Variants in SNU13 observed in about 807,000 individuals in gnomAD.
SNU13 encodes the protein NHP2-like protein 1.
A neutral mutation model predicts 12.4 loss-of-function variants in SNU13; 2 were observed. The ratio of observed to expected loss-of-function variants is 0.16; its 90% CI spans 0.07 to 0.51. The LOEUF (loss-of-function observed/expected upper bound fraction) is 0.51, where lower values mean the gene tolerates loss of function less well. Ranked by LOEUF, SNU13 falls within the 20% of genes least tolerant of loss-of-function variation. The pLI is 0.96. For synonymous variants in SNU13, 68 were observed against 66.5 expected, an observed-to-expected ratio of 1.02 and a Z score of -0.11; for missense variants, 66 against 157.8, an observed-to-expected ratio of 0.42 and a Z score of 3.12.
chr22:41,678,993 G>A (rs1005369705), intron 2 of SNU13, among the ~76,000 whole-genome samples: 3 of 152,180 alleles, frequency 2.0e-5, no homozygotes, highest in East Asian at 3.8e-4. Flanking sequence ...GGTAGCTCAC[G>A]CCTGCTGTTA....
At chr22:41,679,569 T>A (rs1038212092) in intron 2 of SNU13, 3 of 150,966 alleles carry the variant, frequency 2.0e-5, no homozygotes, top group Non-Finnish European at 3.0e-5. Flanking sequence ...AAAAAATAAA[T>A]AAATAAATAA....
intron 1 of SNU13, among the ~76,000 whole-genome samples, chr22:41,681,862 G>A (rs1233831279): frequency 6.6e-6 from 1 of 152,132 alleles, no homozygotes; most frequent in East Asian, 1.9e-4. Flanking sequence ...GCGACAGAGC[G>A]AGACTCCGTC....
chr22:41,689,860 C>G, upstream of SNU13, among the ~76,000 whole-genome samples: 1 of 151,940 alleles, frequency 6.6e-6, no homozygotes, highest in East Asian at 1.9e-4. Context: ...TGCCTGTAAT[C>G]CCAGCTACTC....
At chr22:41,680,650 ACGGGTTCCCATGGCTC>A (rs1240573327) in intron 1 of SNU13, among the ~76,000 whole-genome samples, 4 of 152,216 alleles carry the variant, frequency 2.6e-5, no homozygotes, top group African/African-American at 9.6e-5. Context: ...TGGATTACAA[ACGGGTTCCCATGGCTC>A]CGCATCCATT....
intron 1 of SNU13, chr22:41,687,605 A>T (rs1361320007): frequency 6.6e-6 from 1 of 152,192 alleles, no homozygotes; most frequent in East Asian, 1.9e-4. Context: ...TTAACGAATG[A>T]TATCATACCA....
Position 41,688,850 on chromosome 22 carries a change from A to G in SNU13, c.-54T>C. On this transcript the variant is annotated 5_prime_UTR_variant, in exon 1 of 3. Coordinates refer to ENST00000401959, the MANE Select transcript of SNU13 (RefSeq NM_001003796.2). ...TAGGGGAGCGCAGCTGACGTTTCAG[A>G]AGCACTCGCGTGCACCGGAAAAACT... 3 of 1,555,154 alleles carry G rather than the reference A, an allele frequency of 1.9e-6. No individual in the cohort carries two copies. Among genetic ancestry groups the G allele is most frequent in the Non-Finnish European group, 1.8e-6 (2 of 1,140,962 alleles).
chr22:41,674,894 G>A lies in SNU13; in HGVS notation c.*39C>T. On this transcript the variant is annotated 3_prime_UTR_variant, in exon 3 of 3. Coordinates refer to ENST00000401959, the MANE Select transcript of SNU13 (RefSeq NM_001003796.2). The stretch of plus-strand genomic sequence containing the variant: ...AGATAATATGATACACAACCTCAGG[G>A]GGGAAGCTGGCAGGGAGCACGTGGC... The A allele has an allele frequency of 6.2e-7, 1 of 1,601,844 alleles. No homozygotes were observed. Among genetic ancestry groups the A allele is most frequent in the South Asian group, 1.1e-5 (1 of 90,550 alleles).
intron 2 of SNU13, 28 bp from the exon 3 acceptor site, chr22:41,675,223 A>T: frequency 6.2e-7 from 1 of 1,606,738 alleles, no homozygotes; most frequent in Non-Finnish European, 8.5e-7. Context: ...TGAAGCTAAT[A>T]GGTGATGTGG....
At chr22:41,688,668 G>C (rs906931783) in intron 1 of SNU13, 126 bp downstream of exon 1, 6 of 1,340,078 alleles carry the variant, frequency 4.5e-6, no homozygotes, top group Middle Eastern at 2.0e-4. Flanking sequence ...CTAAGGGCCC[G>C]GCGGTTAAGA....
intron 1 of SNU13, chr22:41,682,223 C>A: frequency 1.1e-6 from 1 of 942,378 alleles, no homozygotes; most frequent in Non-Finnish European, 1.7e-6. Flanking sequence ...CGGTGGTCTC[C>A]TGCCCGACAC....
At chr22:41,686,373 C>T (rs559155582) in intron 1 of SNU13, among the ~76,000 whole-genome samples, 165 of 150,718 alleles carry the variant, frequency 1.1e-3, no homozygotes, top group South Asian at 2.3e-3. Flanking sequence ...GGCGCAATCT[C>T]GGCTCACCGA....
Position 41,680,359 on chromosome 22 carries a change from C to A in SNU13, c.9G>T (p.Glu3Asp), listed in dbSNP as rs771666090. ...GATAGGCCTTTGGATTCACATCAGC[C>A]TCAGTCTATGGGGGGGACATAAAAA... MT[E>D]ADVNPKAYPL... The change falls in exon 2 of 3, where the codon GAG becomes GAT. Residue 3 changes from glutamate to aspartate, a missense_variant. Glu to Asp is a conservative substitution (Grantham distance 45, BLOSUM62 2). Transcript: ENST00000401959. 1 of 1,613,224 alleles carries A rather than the reference C, an allele frequency of 6.2e-7. No homozygotes were observed. The highest frequency in any genetic ancestry group is 8.5e-7 in the Non-Finnish European group (1 of 1,179,650).
chr22:41,682,617 G>C (rs2068274886), intron 1 of SNU13: 19 of 1,382,330 alleles, frequency 1.4e-5, no homozygotes, highest in Non-Finnish European at 1.7e-5. Context: ...GGATGGAGGA[G>C]TTCTCTAAAG....
rs539556005 is a variant in SNU13 at position 41,674,715 on chromosome 22, G to A, written c.*218C>T. On this transcript the variant is annotated 3_prime_UTR_variant, in exon 3 of 3. Coordinates refer to ENST00000401959, the MANE Select transcript of SNU13 (RefSeq NM_001003796.2). ...CTGAACACTTGTTCCAAAAAGGGAG[G>A]ATAAAAGGATGAAGGATGGCAGAGG... is the stretch of plus-strand genomic sequence containing the variant. The A allele has an allele frequency of 1.7e-6, 1 of 603,808 alleles. No homozygotes were observed. Among genetic ancestry groups the A allele is most frequent in the African/African-American group, 1.9e-5 (1 of 53,890 alleles). 37.4% of individuals were successfully genotyped at this position (603,808 alleles called of 1,614,324 possible).
chr22:41,674,633 G>C lies in SNU13; in HGVS notation c.*300C>G. On this transcript the variant is annotated 3_prime_UTR_variant, in exon 3 of 3. Coordinates refer to ENST00000401959, the MANE Select transcript of SNU13 (RefSeq NM_001003796.2). ...CCAGATCTCTGTCCTGGCTCCATCA[G>C]CTTTCTCCTGGCTCTTTCTGCCTTT... 2.8e-6 allele frequency: 1 copy of C among 359,844 alleles called. No individual in the cohort carries two copies. Among genetic ancestry groups the C allele is most frequent in the South Asian group, 3.0e-5 (1 of 33,190 alleles). 22.3% of individuals were successfully genotyped at this position (359,844 alleles called of 1,614,324 possible). A position where few individuals can be genotyped will look rare whatever the true frequency, so the allele number is the denominator to read the frequency against.
intron 1 of SNU13, chr22:41,688,334 C>G (rs797014726): frequency 6.4e-6 from 1 of 155,276 alleles, no homozygotes; most frequent in Non-Finnish European, 1.4e-5. Context: ...CCTCCTGAAC[C>G]CCAGCAACGG....
intron 2 of SNU13, among the ~76,000 whole-genome samples, chr22:41,676,132 A>T (rs2068211501): frequency 6.6e-6 from 1 of 152,168 alleles, no homozygotes; most frequent in Non-Finnish European, 1.5e-5. Flanking sequence ...AGCAAGTAGT[A>T]GTATATTAAT....
At chr22:41,679,955 G>A (rs532478577) in intron 2 of SNU13, 3 of 221,322 alleles carry the variant, frequency 1.4e-5, no homozygotes, top group Middle Eastern at 1.6e-3. Context: ...GATGGCTCTG[G>A]TGAGGTCATA....
chr22:41,685,070 G>T (rs1210866071), intron 1 of SNU13, among the ~76,000 whole-genome samples: 1 of 148,992 alleles, frequency 6.7e-6, no homozygotes, highest in Admixed American at 6.8e-5. Context: ...CAGGAGAATG[G>T]CTTGAACCCG....
Sources: gnomAD v4.1 joint callset for allele counts (sites outside exome capture counted in the v4.1 genomes callset) on GRCh38, gnomAD v4.1.1 for gene constraint, MANE v1.5 for transcripts, NCBI Gene and HGNC (gene_info 2026-07-23, HGNC 2026-07-21) for gene names.